FRMD4B: variants seen among roughly 807,000 people sequenced by gnomAD.
FRMD4B encodes the protein FERM domain containing 4B, also known as FERM domain-containing protein 4B.
A neutral mutation model predicts 141.5 loss-of-function variants in FRMD4B; 74 were observed. The ratio of observed to expected loss-of-function variants is 0.52; its 90% CI spans 0.43 to 0.63. The LOEUF (loss-of-function observed/expected upper bound fraction) is 0.63. FRMD4B is among the 30% of genes least tolerant of loss of function. The pLI, the probability that FRMD4B is intolerant of heterozygous loss-of-function variation, is 0.00. For synonymous variants in FRMD4B, 506 were observed against 467.9 expected (o/e 1.08, Z -1.05); for missense variants, 1,366 against 1,253.4 (o/e 1.09, Z -1.36).
Position 69,344,662 on chromosome 3 carries a change from G to A in FRMD4B, c.163-31145C>T, listed in dbSNP as rs150669740. Among the ~76,000 whole-genome samples, 625 of 152,258 alleles carry A rather than the reference G, an allele frequency of 4.1e-3. 3 individuals are homozygous for A. The highest frequency in any genetic ancestry group is 0.013 in the African/African-American group (558 of 41,528). ...CTGGGCTTTTCAGCCACACCATACT[G>A]TTGTATAGGATAAAGTTTCTCCTTT... On this transcript the variant is annotated intron_variant, in intron 1 of 22. Transcript: ENST00000398540.
intron 19 of FRMD4B, among the ~76,000 whole-genome samples, chr3:69,184,675 A>G (rs958900324): frequency 2.3e-4 from 35 of 152,310 alleles, no homozygotes; most frequent in Admixed American, 9.8e-4. Flanking sequence ...CCCAGCTATA[A>G]TTCTTCCTTT....
rs560767727 is a variant in FRMD4B, at chr3:69,369,926, T to C, written c.162+15902A>G. On this transcript the variant is annotated intron_variant, in intron 1 of 22. Transcript: ENST00000398540. Reference sequence around the variant, plus strand: ...GCAATGATGATGGCAGATTCCGTCATTATTTGATGGTGCTAATTAGACATA... The same window carrying C: ...GCAATGATGATGGCAGATTCCGTCACTATTTGATGGTGCTAATTAGACATA... Among the ~76,000 whole-genome samples, 8 of 152,324 alleles carry C rather than the reference T, an allele frequency of 5.3e-5. No homozygotes were observed. The South Asian group carries it at 1.7e-3, about 32-fold the overall frequency.
chr3:69,195,324 TTC>T lies in FRMD4B; in HGVS notation c.1273_1274del (p.Glu425LysfsTer4). On this transcript the variant is annotated frameshift_variant, in exon 15 of 23. Transcript: ENST00000398540. LOFTEE classifies it high-confidence loss of function. ...CCTTCTTCTTTAGTTCAAGGATTTT[TTC>T]TCTCTTTTGCTCTTCACTAACTTCT... ...DSEVSEEQKR[E>X]KILELKKKEK... 1 of 1,613,390 alleles carries T rather than the reference TTC, an allele frequency of 6.2e-7. No homozygotes were observed. The highest frequency in any genetic ancestry group is 8.5e-7 in the Non-Finnish European group (1 of 1,179,626).
At chr3:69,507,113 A>T (rs939060470) in intron 1 of FRMD4B, among the ~76,000 whole-genome samples, 1 of 152,142 alleles carries the variant, frequency 6.6e-6, no homozygotes, top group Non-Finnish European at 1.5e-5. Flanking sequence ...TTTTTGTGGA[A>T]CACCAATTAG....
chr3:69,518,502 G>A (rs1201783259), intron 1 of FRMD4B, among the ~76,000 whole-genome samples: 2 of 152,112 alleles, frequency 1.3e-5, no homozygotes, highest in Admixed American at 6.5e-5. Context: ...ATAGAGAAAA[G>A]GCAAGACCAT....
intron 1 of FRMD4B, among the ~76,000 whole-genome samples, chr3:69,453,599 T>C (rs1264605420): frequency 6.6e-6 from 1 of 152,150 alleles, no homozygotes; most frequent in Non-Finnish European, 1.5e-5. Context: ...GTTACAAGTT[T>C]AAAAAATCCC....
chr3:69,257,316 T>C (rs17005565), intron 5 of FRMD4B, among the ~76,000 whole-genome samples: 5,583 of 152,314 alleles, frequency 0.037, 160 homozygotes, highest in East Asian at 0.1. Flanking sequence ...ACTTCCAGTG[T>C]GTTGTTGAGA....
chr3:69,182,699 G>A lies in FRMD4B; in HGVS notation c.1938C>T (p.His646=), dbSNP rs1447163360. The A allele has an allele frequency of 1.2e-6, 2 of 1,612,880 alleles. No individual in the cohort carries two copies. The highest frequency in any genetic ancestry group is 1.7e-6 in the Non-Finnish European group (2 of 1,179,398). Residue 646 remains histidine (H), a synonymous_variant, in exon 20 of 23, where the codon CAC becomes CAT. Transcript: ENST00000398540. ...TCTCCAGAGTTTTGTAAGGGCTGCTGTGTGTGGACAGCATTTCTCTGTGAT... is the reference window on the plus strand; with the variant it reads ...TCTCCAGAGTTTTGTAAGGGCTGCTATGTGTGGACAGCATTTCTCTGTGAT... ...TRQSREMLST[H]SSPYKTLERR... is the part of the protein sequence containing the mutation.
intron 2 of FRMD4B, among the ~76,000 whole-genome samples, chr3:69,408,705 T>C (rs1704700079): frequency 1.3e-5 from 2 of 152,228 alleles, no homozygotes; most frequent in South Asian, 4.1e-4. Context: ...TCTGCTGAGC[T>C]GGAGCCAGCA....
intron 1 of FRMD4B, among the ~76,000 whole-genome samples, chr3:69,464,821 A>G (rs1490484351): frequency 1.3e-5 from 2 of 152,206 alleles, no homozygotes; most frequent in Non-Finnish European, 2.9e-5. Context: ...ACAAGCATCA[A>G]ACAGAACACT....
chr3:69,271,467 G>A (rs1193954012), intron 5 of FRMD4B, among the ~76,000 whole-genome samples: 4 of 152,260 alleles, frequency 2.6e-5, no homozygotes, highest in East Asian at 1.9e-4. Context: ...ATCACAGCAC[G>A]ATGAAAAGGT....
intron 4 of FRMD4B, among the ~76,000 whole-genome samples, chr3:69,298,622 G>A (rs1016305960): frequency 2.0e-5 from 3 of 152,166 alleles, no homozygotes; most frequent in Admixed American, 2.0e-4. Flanking sequence ...TACACACCAG[G>A]CATGCTCTTG....
chr3:69,399,268 A>G (rs1170499169), intron 2 of FRMD4B, among the ~76,000 whole-genome samples: 1 of 152,178 alleles, frequency 6.6e-6, no homozygotes, highest in African/African-American at 2.4e-5. Context: ...TCCAGTTTCT[A>G]CTGCAGAAAG....
chr3:69,180,941 C>G lies in FRMD4B; in HGVS notation c.2809G>C (p.Val937Leu), dbSNP rs1349035997. 2 of 1,612,560 alleles carry G rather than the reference C, an allele frequency of 1.2e-6. No individual in the cohort carries two copies. The highest frequency in any genetic ancestry group is 1.7e-6 in the Non-Finnish European group (2 of 1,178,740). ...GCACGACTGCTTGGAGAACAAGGTA[C>G]TTGCAGCCCCGCAAACCCCAGGCAT... ...QRCLGFAGLQ[V>L]PCSPSSRASS... The change falls in exon 21 of 23, where the codon GTA becomes CTA. Residue 937 changes from valine (V) to leucine (L), a missense_variant. Val to Leu is a conservative substitution (Grantham distance 32). Transcript: ENST00000398540.
At chr3:69,293,091 A>C (rs142635874) in intron 4 of FRMD4B, 1 of 444,198 alleles carries the variant, frequency 2.3e-6, no homozygotes, top group African/African-American at 2.0e-5. Context: ...TTAACCACTC[A>C]TTAGTGATGA....
intron 2 of FRMD4B, among the ~76,000 whole-genome samples, chr3:69,427,429 T>A (rs549777510): frequency 6.6e-6 from 1 of 150,548 alleles, no homozygotes; most frequent in East Asian, 1.9e-4. Flanking sequence ...TCTGTTTGAA[T>A]ATAAACATGA....
At chr3:69,513,127 T>G (rs540331216) in intron 1 of FRMD4B, among the ~76,000 whole-genome samples, 1 of 151,376 alleles carries the variant, frequency 6.6e-6, no homozygotes, top group South Asian at 2.1e-4. Context: ...TGAAACTGAG[T>G]ATTTTGAAAA....
intron 21 of FRMD4B, among the ~76,000 whole-genome samples, chr3:69,179,667 T>A (rs1194150585): frequency 6.6e-6 from 1 of 152,158 alleles, no homozygotes; most frequent in South Asian, 2.1e-4. Flanking sequence ...GACTCAGGAA[T>A]CCTTATACTA....
At chr3:69,411,917 A>T (rs1470353845) in intron 2 of FRMD4B, among the ~76,000 whole-genome samples, 1 of 152,182 alleles carries the variant, frequency 6.6e-6, no homozygotes, top group East Asian at 1.9e-4. Flanking sequence ...CAATTGCAAA[A>T]ATAAGTGGCT....
Sources: gnomAD v4.1 joint callset for allele counts (sites outside exome capture counted in the v4.1 genomes callset) on GRCh38, gnomAD v4.1.1 for gene constraint, MANE v1.5 for transcripts, NCBI Gene and HGNC (gene_info 2026-07-23, HGNC 2026-07-21) for gene names.